KATNIP: variants seen among roughly 807,000 people sequenced by gnomAD.
The protein encoded by KATNIP is katanin interacting protein.
In KATNIP, 126 loss-of-function variants were observed where a neutral mutation model predicts 174.0. The observed-to-expected ratio is 0.72, with a 90% confidence interval of 0.63 to 0.84. KATNIP has a LOEUF of 0.84. KATNIP is among the 40% of genes least tolerant of loss of function. The pLI is 0.00. For synonymous variants in KATNIP, 810 were observed against 835.7 expected (o/e 0.97, Z 0.53); for missense variants, 1,958 against 2,109.7 (o/e 0.93, Z 1.41).
chr16:27,761,490 G>A lies in KATNIP; in HGVS notation c.3709G>A (p.Glu1237Lys). Residue 1237 changes from glutamate to lysine, a missense_variant, in exon 19 of 28, where the codon GAG (glutamate) becomes AAG (lysine). By Grantham distance (56) the Glu-to-Lys change is moderately conservative. This residue lies in a region of KATNIP where 1,557 missense variants were observed against 1,617.8 expected (regional missense o/e 0.96). Coordinates refer to ENST00000261588, the MANE Select transcript of KATNIP (RefSeq NM_015202.5). ...GLTGLEVVGK[E>K]GQALPIHLHQ... ...CACTGGCCTGGAAGTGGTGGGCAAG[G>A]AGGGCCAGGCGCTGCCCATCCACCT... 2 of 1,614,136 alleles carry A rather than the reference G, an allele frequency of 1.2e-6. No homozygotes were observed. The highest frequency in any genetic ancestry group is 1.7e-6 in the Non-Finnish European group (2 of 1,180,018).
chr16:27,720,345 C>T lies in KATNIP; in HGVS notation c.1606-1213C>T, dbSNP rs578089082. 2.4e-4 allele frequency among the ~76,000 whole-genome samples: 36 copies of T among 152,192 alleles called. No homozygotes were observed. The South Asian group carries it at 7.5e-3, about 32-fold the overall frequency. On this transcript the variant is annotated intron_variant, in intron 13 of 27. Transcript: ENST00000261588. ...ACCTCAGGTGATCCACCTGCCTCCA[C>T]CTCCCAAAGTGCTGGGATTACAGAC...
At chr16:27,647,085 G>T (rs566312743) in intron 5 of KATNIP, among the ~76,000 whole-genome samples, 1 of 151,630 alleles carries the variant, frequency 6.6e-6, no homozygotes, top group South Asian at 2.1e-4. Flanking sequence ...GGGACTCCAT[G>T]TGCACATCTG....
intron 2 of KATNIP, among the ~76,000 whole-genome samples, chr16:27,595,403 A>G (rs1484203775): frequency 6.6e-6 from 1 of 152,144 alleles, no homozygotes; most frequent in African/African-American, 2.4e-5. Flanking sequence ...TCACATACAC[A>G]CACAGAAAAC....
intron 2 of KATNIP, among the ~76,000 whole-genome samples, chr16:27,588,122 A>G (rs1322455283): frequency 1.3e-5 from 2 of 151,216 alleles, no homozygotes; most frequent in African/African-American, 2.4e-5. Flanking sequence ...GAACTCCTGA[A>G]CTCAAGCGAC....
chr16:27,592,452 A>G (rs1250991937), intron 2 of KATNIP, among the ~76,000 whole-genome samples: 4 of 151,646 alleles, frequency 2.6e-5, no homozygotes, highest in Non-Finnish European at 1.5e-5. Flanking sequence ...CCCTGTCTCT[A>G]CAAAAGTACA....
chr16:27,775,187 A>C, intron 24 of KATNIP, 103 bp downstream of exon 24: 1 of 1,402,080 alleles, frequency 7.1e-7, no homozygotes, highest in Non-Finnish European at 9.7e-7. Flanking sequence ...GGTCAAGTTA[A>C]TCTCAAGCCA....
At chr16:27,736,999 G>GAGGGGACC (rs1567370505) in intron 14 of KATNIP, among the ~76,000 whole-genome samples, 1 of 152,100 alleles carries the variant, frequency 6.6e-6, no homozygotes, top group African/African-American at 2.4e-5. Context: ...ACGAGGGGAC[G>GAGGGGACC]GCAAGCTTTT....
At position 27,740,706 on chromosome 16, in the gene KATNIP, C is replaced by T. The variant is rs1402314629; in HGVS notation, c.2409C>T (p.Ala803=). The T allele has an allele frequency of 6.2e-7, 1 of 1,614,164 alleles. No homozygotes were observed. The highest frequency in any genetic ancestry group is 8.5e-7 in the Non-Finnish European group (1 of 1,180,036). ...VIGEGPGETE[A]RDKGLRHEPG... ...GTGAGGGTCCTGGAGAGACCGAGGC[C>T]AGGGATAAAGGCCTACGGCATGAGC... Residue 803 remains alanine, a synonymous_variant, in exon 15 of 28, where the codon GCC becomes GCT. Transcript: ENST00000261588.
At chr16:27,666,558 C>T (rs2077690906) in intron 6 of KATNIP, among the ~76,000 whole-genome samples, 1 of 152,122 alleles carries the variant, frequency 6.6e-6, no homozygotes, top group Non-Finnish European at 1.5e-5. Context: ...ACTGGGATTA[C>T]AGGTGTCCAC....
chr16:27,738,719 A>G (rs1351902697), intron 14 of KATNIP, among the ~76,000 whole-genome samples: 1 of 152,210 alleles, frequency 6.6e-6, no homozygotes, highest in Non-Finnish European at 1.5e-5. Context: ...TTCTGAGTCC[A>G]GAAGTTACCT....
At chr16:27,698,544 C>A in intron 9 of KATNIP, 44 bp downstream of exon 9, 1 of 1,549,368 alleles carries the variant, frequency 6.5e-7, no homozygotes, top group Non-Finnish European at 8.7e-7. Flanking sequence ...GCTCCCTGGA[C>A]TGGGCAGTGT....
At chr16:27,711,696 A>G (rs1457170993) in intron 13 of KATNIP, among the ~76,000 whole-genome samples, 1 of 152,238 alleles carries the variant, frequency 6.6e-6, no homozygotes, top group Non-Finnish European at 1.5e-5. Flanking sequence ...AAGGTGTAAT[A>G]TATGTCACAA....
intron 6 of KATNIP, among the ~76,000 whole-genome samples, chr16:27,662,232 C>T (rs1597098814): frequency 6.6e-6 from 1 of 151,002 alleles, no homozygotes; most frequent in African/African-American, 2.4e-5. Context: ...CCATGCCCAG[C>T]CTAATTCACA....
chr16:27,680,718 C>T (rs1355422023), intron 7 of KATNIP, among the ~76,000 whole-genome samples: 1 of 152,014 alleles, frequency 6.6e-6, no homozygotes, highest in African/African-American at 2.4e-5. Context: ...GGGCGGGGAA[C>T]GAAGTCTTGC....
intron 2 of KATNIP, chr16:27,574,353 C>CT: frequency 4.6e-6 from 1 of 218,656 alleles, no homozygotes; most frequent in South Asian, 6.7e-5. Context: ...GCTGTGTCGA[C>CT]TGGGGGGTAG....
At chr16:27,641,061 G>A (rs1000420364) in intron 5 of KATNIP, among the ~76,000 whole-genome samples, 1 of 151,752 alleles carries the variant, frequency 6.6e-6, no homozygotes, top group African/African-American at 2.4e-5. Context: ...TTGCCTGAAC[G>A]CGGGAGGCAG....
At chr16:27,683,519 C>A (rs1171371734) in intron 8 of KATNIP, among the ~76,000 whole-genome samples, 1 of 152,050 alleles carries the variant, frequency 6.6e-6, no homozygotes, top group Non-Finnish European at 1.5e-5. Flanking sequence ...CAACCCCTGT[C>A]GGCATGTCAA....
At chr16:27,699,982 C>T (rs2142987764) in intron 10 of KATNIP, among the ~76,000 whole-genome samples, 1 of 152,252 alleles carries the variant, frequency 6.6e-6, no homozygotes, top group Middle Eastern at 3.4e-3. Flanking sequence ...GCAATCTCGG[C>T]TCACTACAAC....
rs61744194 is a variant in KATNIP, at chr16:27,774,968, G to A, written c.4333G>A (p.Val1445Met). 8.7e-6 allele frequency: 14 copies of A among 1,613,840 alleles called. No individual in the cohort carries two copies. The highest frequency in any genetic ancestry group is 1.7e-4 in the Middle Eastern group (1 of 6,058). The change falls in exon 24 of 28, where the codon GTG becomes ATG. Residue 1445 changes from valine to methionine, a missense_variant. Val to Met is a conservative substitution (Grantham distance 21). Coordinates refer to ENST00000261588, the MANE Select transcript of KATNIP (RefSeq NM_015202.5). ...AGATATTGCGGCCTTCCCCGACAGC[G>A]TGAACTCCCTGGAGGGTGTGGGCGG... ...ENNIAAFPDS[V>M]NSLEGVGGDV...
Sources: gnomAD v4.1 joint callset for allele counts (sites outside exome capture counted in the v4.1 genomes callset) on GRCh38, gnomAD v4.1.1 for gene constraint, gnomAD v4.1.1 regional missense constraint, MANE v1.5 for transcripts, NCBI Gene and HGNC (gene_info 2026-07-23, HGNC 2026-07-21) for gene names.